Variants in SHANK2 observed in about 807,000 individuals in gnomAD.
SHANK2 encodes SH3 and multiple ankyrin repeat domains 2.
A neutral mutation model predicts 133.7 loss-of-function variants in SHANK2; 43 were observed. That is an observed-to-expected ratio of 0.32 (90% CI 0.25 to 0.41). SHANK2 has a LOEUF of 0.41. SHANK2 is among the 10% of genes least tolerant of loss of function. The pLI is 1.00. For missense variants in SHANK2, 1,994 were observed against 2,235.8 expected, an observed-to-expected ratio of 0.89 and a Z score of 2.18; for synonymous variants, 1,017 against 952.8, an observed-to-expected ratio of 1.07 and a Z score of -1.24.
intron 14 of SHANK2, among the ~76,000 whole-genome samples, chr11:70,789,673 C>G (rs1002216733): frequency 6.6e-6 from 1 of 152,318 alleles, no homozygotes; most frequent in African/African-American, 2.4e-5. Flanking sequence ...TGCTGCTCAT[C>G]TGGGTAGGTG....
chr11:71,074,422 G>A (rs1269916450), intron 9 of SHANK2, among the ~76,000 whole-genome samples: 10 of 152,208 alleles, frequency 6.6e-5, no homozygotes, highest in African/African-American at 1.9e-4. Context: ...CTCAAAGGCT[G>A]AGTACTGTGG....
chr11:71,146,626 C>T (rs1256524408), intron 3 of SHANK2, among the ~76,000 whole-genome samples: 3 of 152,168 alleles, frequency 2.0e-5, no homozygotes, highest in South Asian at 4.1e-4. Context: ...ACAGCAGCCA[C>T]GCGGGAAGGA....
chr11:70,490,299 G>A lies in SHANK2; in HGVS notation c.2528C>T (p.Thr843Met), dbSNP rs1201119693. 1.2e-5 allele frequency: 19 copies of A among 1,614,032 alleles called. No homozygotes were observed. Among genetic ancestry groups the A allele is most frequent in the Admixed American group, 3.3e-5 (2 of 60,010 alleles). The change falls in exon 23 of 26, where the codon ACG (threonine) becomes ATG (methionine). Residue 843 changes from threonine (T) to methionine (M), a missense_variant. By Grantham distance (81) the Thr-to-Met change is moderately conservative (BLOSUM62 -1). This residue lies in a region of SHANK2 where 488 missense variants were observed against 642.6 expected (regional missense o/e 0.76). Transcript: ENST00000601538. ...ACCTATTGATTTCTGCCTTCGCATCGTACCTCGAGGGATGCCCAGAAACGG... is the reference window on the plus strand; with the variant it reads ...ACCTATTGATTTCTGCCTTCGCATCATACCTCGAGGGATGCCCAGAAACGG... The part of the protein sequence containing the change: ...KAPFLGIPRG[T>M]MRRQKSIDSR...
chr11:70,886,769 A>G (rs7938223), intron 11 of SHANK2, among the ~76,000 whole-genome samples: 23 of 151,962 alleles, frequency 1.5e-4, no homozygotes, highest in African/African-American at 5.1e-4. Flanking sequence ...ACCACCCTCT[A>G]TTCATCATCT....
At chr11:70,947,716 T>C (rs1555085712) in intron 10 of SHANK2, among the ~76,000 whole-genome samples, 3 of 152,174 alleles carry the variant, frequency 2.0e-5, no homozygotes, top group African/African-American at 7.2e-5. Context: ...CCCATGTGCG[T>C]CCTGTGGTTA....
chr11:71,214,030 G>T (rs1206841326), intron 2 of SHANK2, among the ~76,000 whole-genome samples: 1 of 152,092 alleles, frequency 6.6e-6, no homozygotes, highest in African/African-American at 2.4e-5. Context: ...CAGGTGCCAG[G>T]CAAGCAAAGA....
chr11:71,142,882 T>A (rs1452353667), intron 3 of SHANK2, among the ~76,000 whole-genome samples: 1 of 150,102 alleles, frequency 6.7e-6, no homozygotes, highest in African/African-American at 2.5e-5. Flanking sequence ...TTCAAAGCAA[T>A]GTTCAGGGCA....
At chr11:71,093,534 A>C (rs1170975346) in intron 7 of SHANK2, among the ~76,000 whole-genome samples, 2 of 151,994 alleles carry the variant, frequency 1.3e-5, no homozygotes, top group African/African-American at 4.8e-5. Flanking sequence ...ATAGTGAGTG[A>C]GTGCTCATGA....
Position 70,500,645 on chromosome 11 carries a change from AGCCTACACTCGG to A in SHANK2, c.2288-67_2288-56del. On this transcript the variant is annotated intron_variant, in intron 20 of 25. Transcript: ENST00000601538. The surrounding 1 kb of genome is among the most constrained non-coding windows in gnomAD (Gnocchi z 4.5). ...CCACCAGGATGCAGCGCCCGCCCGCAGCCTACACTCGGGCCTTGTCAGCTCAGGGCGCCTCAG... is the reference window on the plus strand; with the variant it reads ...CCACCAGGATGCAGCGCCCGCCCGCAGCCTTGTCAGCTCAGGGCGCCTCAG... 1 of 1,578,308 alleles carries A rather than the reference AGCCTACACTCGG, an allele frequency of 6.3e-7. No homozygotes were observed. Among genetic ancestry groups the A allele is most frequent in the Non-Finnish European group, 8.6e-7 (1 of 1,162,490 alleles).
At chr11:70,576,391 T>C (rs11236697) in intron 17 of SHANK2, among the ~76,000 whole-genome samples, 6,944 of 152,086 alleles carry the variant, frequency 0.046, 221 homozygotes, top group East Asian at 0.12. Flanking sequence ...TCCCAGCACT[T>C]TGGGAGGCCG....
At chr11:71,117,185 A>G (rs1482696099) in intron 4 of SHANK2, among the ~76,000 whole-genome samples, 1 of 152,062 alleles carries the variant, frequency 6.6e-6, no homozygotes, top group African/African-American at 2.4e-5. Context: ...ACACCCAGCT[A>G]ATTTTTGTAT....
chr11:70,755,801 G>A (rs967210074), intron 14 of SHANK2, among the ~76,000 whole-genome samples: 1 of 152,246 alleles, frequency 6.6e-6, no homozygotes, highest in Non-Finnish European at 1.5e-5. Flanking sequence ...TTCCTGGAAC[G>A]CCGCGGCTTC....
chr11:70,807,511 G>A lies in SHANK2; in HGVS notation c.1494-340C>T, dbSNP rs1948188866. Reference sequence around the variant, plus strand: ...CACAGGGTGGTCCAAACATACAATGGAACGCTGTTTAGCCTCCATCAGGAA... The same window carrying A: ...CACAGGGTGGTCCAAACATACAATGAAACGCTGTTTAGCCTCCATCAGGAA... On this transcript the variant is annotated intron_variant, in intron 12 of 25. Coordinates refer to ENST00000601538, the MANE Select transcript of SHANK2 (RefSeq NM_012309.5). The surrounding 1 kb of genome is among the most constrained non-coding windows in gnomAD (Gnocchi z 4.8). 6.6e-6 allele frequency among the ~76,000 whole-genome samples: 1 copy of A among 152,156 alleles called. No individual in the cohort carries two copies. The highest frequency in any genetic ancestry group is 2.4e-5 in the African/African-American group (1 of 41,430).
At chr11:70,665,919 G>C (rs781850290) in intron 15 of SHANK2, among the ~76,000 whole-genome samples, 1 of 152,112 alleles carries the variant, frequency 6.6e-6, no homozygotes, top group Non-Finnish European at 1.5e-5. Context: ...TGGGGGAGGG[G>C]ACATTTTCTA....
intron 10 of SHANK2, among the ~76,000 whole-genome samples, chr11:70,938,445 C>A (rs538857168): frequency 2.6e-5 from 4 of 152,310 alleles, no homozygotes; most frequent in African/African-American, 9.6e-5. Flanking sequence ...TTACATGCAG[C>A]TCTACTCAAG....
chr11:70,789,416 T>C (rs992464659), intron 14 of SHANK2, among the ~76,000 whole-genome samples: 5 of 152,136 alleles, frequency 3.3e-5, no homozygotes, highest in Admixed American at 2.6e-4. Context: ...TATTCTTAAA[T>C]GCAGACTTAC....
Position 70,658,611 on chromosome 11 carries a change from T to C in SHANK2, c.2061+1217A>G, listed in dbSNP as rs577454424. 2.3e-3 allele frequency among the ~76,000 whole-genome samples: 356 copies of C among 152,360 alleles called. 2 individuals are homozygous for C. The highest frequency in any genetic ancestry group is 3.6e-3 in the Non-Finnish European group (244 of 68,038). On this transcript the variant is annotated intron_variant, in intron 17 of 25. Transcript: ENST00000601538. ...GTTTAAGCACCTGCTCCATCTTACC[T>C]GGCTCTCCAATAGTCTCTTCCCTTC...
intron 3 of SHANK2, among the ~76,000 whole-genome samples, chr11:71,121,577 C>T (rs1317506130): frequency 6.6e-6 from 1 of 152,126 alleles, no homozygotes; most frequent in Non-Finnish European, 1.5e-5. Context: ...TAATTAGATC[C>T]CACTTGTCTA....
intron 10 of SHANK2, among the ~76,000 whole-genome samples, chr11:70,936,937 G>A (rs1950579559): frequency 6.6e-6 from 1 of 152,150 alleles, no homozygotes; most frequent in African/African-American, 2.4e-5. Flanking sequence ...TTTCTCCTTG[G>A]TACTGACTCT....
Sources: gnomAD v4.1 joint callset for allele counts (sites outside exome capture counted in the v4.1 genomes callset) on GRCh38, gnomAD v4.1.1 for gene constraint, gnomAD v4.1.1 regional missense constraint, Gnocchi (gnomAD v3.1) non-coding constraint, MANE v1.5 for transcripts, NCBI Gene and HGNC (gene_info 2026-07-23, HGNC 2026-07-21) for gene names.